The following AKT1 variants were observed in gnomAD, a reference collection of about 807,000 sequenced individuals.
AKT1 encodes RAC-alpha serine/threonine-protein kinase.
In AKT1, 21 loss-of-function variants were observed where a neutral mutation model predicts 63.1. That is an observed-to-expected ratio of 0.33 (90% confidence interval 0.24 to 0.48). The LOEUF is 0.48. Among genes scored for constraint, AKT1 ranks in the 20% least tolerant of loss-of-function variants. AKT1 has a pLI of 0.99. For synonymous variants in AKT1, 257 were observed against 253.1 expected, an observed-to-expected ratio of 1.02 and a Z score of -0.15; for missense variants, 382 against 666.0, an observed-to-expected ratio of 0.57 and a Z score of 4.69.
At chr14:104,784,020 C>G (rs1893208792) in intron 3 of AKT1, among the ~76,000 whole-genome samples, 2 of 146,488 alleles carry the variant, frequency 1.4e-5, no homozygotes, top group Admixed American at 1.4e-4. Flanking sequence ...CATGGCTGGT[C>G]CCCTGGGCAA....
At chr14:104,776,612 C>A (rs376627827) in intron 5 of AKT1, 47 bp downstream of exon 5, 1 of 1,556,992 alleles carries the variant, frequency 6.4e-7, no homozygotes, top group South Asian at 1.1e-5. Context: ...CCCTCCTAAG[C>A]GCTGGGGCTG....
chr14:104,780,442 C>T (rs1892967024), intron 3 of AKT1, among the ~76,000 whole-genome samples: 1 of 152,180 alleles, frequency 6.6e-6, no homozygotes, highest in Non-Finnish European at 1.5e-5. Flanking sequence ...GAAGAGCCAC[C>T]CCGAGCTGTG....
In AKT1 at chr14:104,776,082, C is replaced by T. The variant is rs1350984361; in HGVS notation, c.288-283G>A. 2 of 338,586 alleles carry T rather than the reference C, an allele frequency of 5.9e-6. 1 individual carries two copies. The highest frequency in any genetic ancestry group is 1.0e-5 in the Non-Finnish European group (2 of 194,526). 21.0% of individuals were successfully genotyped at this position (338,586 alleles called of 1,614,324 possible). A position where few individuals can be genotyped will look rare whatever the true frequency, so the allele number is the denominator to read the frequency against. ...ACTCCGCCCCCCAGCAGGACTCCGC[C>T]CCCCCCAAGCAGGACTCCGCCTCCC... is the stretch of plus-strand genomic sequence containing the variant. On this transcript the variant is annotated intron_variant, in intron 5 of 14. Transcript: ENST00000649815.
intron 3 of AKT1, among the ~76,000 whole-genome samples, chr14:104,784,551 G>T (rs954671746): frequency 4.6e-5 from 7 of 152,172 alleles, no homozygotes; most frequent in African/African-American, 1.7e-4. Context: ...TCATCCCCAG[G>T]AAGGGGCTGG....
At chr14:104,771,110 A>G (rs1892361751) in intron 13 of AKT1, 1 of 498,094 alleles carries the variant, frequency 2.0e-6, no homozygotes, top group East Asian at 3.2e-5. Context: ...GACAGGAGGT[A>G]GTGCAGCCCA....
intron 6 of AKT1, 159 bp from the exon 7 acceptor site, chr14:104,775,366 C>T (rs556838313): frequency 6.7e-6 from 9 of 1,349,674 alleles, no homozygotes. Flanking sequence ...GGAGTCCAGG[C>T]TTACAGGGAA....
At chr14:104,791,632 G>A (rs913877289) in intron 3 of AKT1, among the ~76,000 whole-genome samples, 1 of 152,118 alleles carries the variant, frequency 6.6e-6, no homozygotes, top group African/African-American at 2.4e-5. Context: ...ATCCCACAAT[G>A]CCCCATCTTG....
In AKT1 at chr14:104,781,578, A is replaced by AC. The variant is rs527902628; in HGVS notation, c.47-1363dup. 1.4e-3 allele frequency among the ~76,000 whole-genome samples: 207 copies of AC among 151,820 alleles called. 1 individual carries two copies. The highest frequency in any genetic ancestry group is 0.01 in the East Asian group (54 of 5,148). ...AGCCACCAAGGCTCGACACATGGCC[A>AC]CCCCCCGGCCAGGTGACCTCTCCCT... On this transcript the variant is annotated intron_variant, in intron 3 of 14. Coordinates refer to ENST00000649815, the MANE Select transcript of AKT1 (RefSeq NM_001382430.1).
intron 3 of AKT1, among the ~76,000 whole-genome samples, chr14:104,790,514 G>T (rs1422634065): frequency 6.6e-6 from 1 of 152,210 alleles, no homozygotes; most frequent in African/African-American, 2.4e-5. Context: ...ACACACAGGG[G>T]ACCCCAGGGA....
chr14:104,773,434 C>G, intron 10 of AKT1, 21 bp downstream of exon 10: 11 of 1,613,952 alleles, frequency 6.8e-6, no homozygotes, highest in Non-Finnish European at 9.3e-6. Context: ...GCCCTGCCCC[C>G]CTGCCTGCCC....
intron 3 of AKT1, among the ~76,000 whole-genome samples, chr14:104,790,737 C>T (rs1230343716): frequency 3.9e-5 from 6 of 152,184 alleles, no homozygotes; most frequent in Non-Finnish European, 8.8e-5. Flanking sequence ...GACCCTCTCT[C>T]CTGGCCTGAG....
intron 3 of AKT1, among the ~76,000 whole-genome samples, chr14:104,787,811 G>A (rs1893413063): frequency 6.6e-6 from 1 of 152,262 alleles, no homozygotes; most frequent in Admixed American, 6.5e-5. Context: ...CCACTCAGGA[G>A]CCACCAGGCG....
chr14:104,774,127 CTGA>C, intron 8 of AKT1, 147 bp from the exon 9 acceptor site: 1 of 717,948 alleles, frequency 1.4e-6, no homozygotes, highest in South Asian at 1.6e-5. Context: ...ACCACGCTGC[CTGA>C]TACCACACCG....
intron 3 of AKT1, among the ~76,000 whole-genome samples, chr14:104,783,795 C>T (rs1893196938): frequency 6.6e-6 from 1 of 152,200 alleles, no homozygotes; most frequent in Non-Finnish European, 1.5e-5. Context: ...CCCCCAAGTC[C>T]CCACCCGCTG....
Position 104,769,577 on chromosome 14 carries a change from G to T in AKT1, c.*764C>A, listed in dbSNP as rs112114610. On this transcript the variant is annotated 3_prime_UTR_variant, in exon 15 of 15. Transcript: ENST00000649815. ...AGCGTCGAAAAGGTCAAGTGCTACC[G>T]TGGAGAGATCATCTGAGGGGGAGGC... is the stretch of plus-strand genomic sequence containing the variant. 1.9e-6 allele frequency: 1 copy of T among 533,898 alleles called. No homozygotes were observed. Among genetic ancestry groups the T allele is most frequent in the African/African-American group, 1.9e-5 (1 of 53,602 alleles). 33.1% of individuals were successfully genotyped at this position (533,898 alleles called of 1,614,324 possible).
intron 8 of AKT1, chr14:104,774,682 C>A: frequency 3.8e-6 from 2 of 521,756 alleles, no homozygotes; most frequent in Non-Finnish European, 6.8e-6. Flanking sequence ...CCTGGAGCCT[C>A]GGCAGAGTGC....
At chr14:104,776,121 C>T (rs548441307) in intron 5 of AKT1, 66 of 294,968 alleles carry the variant, frequency 2.2e-4, no homozygotes, top group African/African-American at 7.2e-4. Flanking sequence ...CAGGACTCCG[C>T]CCCCCAAGGA....
chr14:104,792,785 G>A (rs886748492), intron 2 of AKT1, 63 bp from the exon 3 acceptor site: 9 of 1,052,162 alleles, frequency 8.6e-6, no homozygotes, highest in South Asian at 2.7e-5. Flanking sequence ...TCCTCGCCCT[G>A]GGTGAGCCAG....
intron 12 of AKT1, 106 bp downstream of exon 12, chr14:104,772,772 A>C: frequency 8.2e-7 from 1 of 1,219,492 alleles, no homozygotes; most frequent in Non-Finnish European, 1.1e-6. Flanking sequence ...AGCTTTGGCT[A>C]TCAGTGTAGT....
Sources: allele counts gnomAD v4.1 joint callset (sites outside exome capture counted in the v4.1 genomes callset), GRCh38; gene constraint gnomAD v4.1.1; transcripts MANE v1.5; gene names NCBI Gene and HGNC (gene_info 2026-07-23, HGNC 2026-07-21).